KIF20A: variants seen among roughly 807,000 people sequenced by gnomAD.
The protein encoded by KIF20A is kinesin-like protein KIF20A.
Under a neutral mutation model 113.0 loss-of-function variants are expected in KIF20A, and 66 were observed. That is an observed-to-expected ratio of 0.58 (90% CI 0.48 to 0.72). The LOEUF (loss-of-function observed/expected upper bound fraction) is 0.72, where lower values mean the gene tolerates loss of function less well. Among genes scored for constraint, KIF20A ranks in the 30% least tolerant of loss-of-function variants. The pLI, the probability that KIF20A is intolerant of heterozygous loss-of-function variation, is 0.00. For synonymous variants in KIF20A, 376 were observed against 402.3 expected (o/e 0.93, Z 0.78); for missense variants, 927 against 1,077.6 (o/e 0.86, Z 1.96).
Position 138,182,456 on chromosome 5 carries a change from T to C in KIF20A, c.509T>C (p.Ile170Thr). ...ACTAACTCAGGGAAAACCCACACGA[T>C]TCAAGGTGAGTAGTAAGCCTTCACG... ...GVTNSGKTHT[I>T]QGTIKDGGIL... Residue 170 changes from isoleucine (I) to threonine (T), a missense_variant, in exon 5 of 19, where the codon ATT becomes ACT. Coordinates refer to ENST00000394894, the MANE Select transcript of KIF20A (RefSeq NM_005733.3). 1.2e-6 allele frequency: 2 copies of C among 1,614,018 alleles called. No homozygotes were observed. Among genetic ancestry groups the C allele is most frequent in the South Asian group, 1.1e-5 (1 of 91,056 alleles).
chr5:138,181,811 C>A, intron 4 of KIF20A, 83 bp downstream of exon 4: 1 of 1,539,808 alleles, frequency 6.5e-7, no homozygotes, highest in South Asian at 1.2e-5. Flanking sequence ...GCTTCTCTTC[C>A]TGACTGTGAG....
Position 138,182,776 on chromosome 5 carries a change from A to G in KIF20A, c.702+3A>G, listed in dbSNP as rs141093474. Reference sequence around the variant, plus strand: ...TGCTAAATGGAGGCCTCCAAGAGGTAAAGCATTGGTATCCATGGCAGTGGG... The same window carrying G: ...TGCTAAATGGAGGCCTCCAAGAGGTGAAGCATTGGTATCCATGGCAGTGGG... On this transcript the variant is annotated splice_donor_region_variant and intron_variant, in intron 6 of 18. Coordinates refer to ENST00000394894, the MANE Select transcript of KIF20A (RefSeq NM_005733.3). 558 of 1,613,720 alleles carry G rather than the reference A, an allele frequency of 3.5e-4. 1 individual carries two copies. The African/African-American group carries it at 6.8e-3, about 20-fold the overall frequency.
At position 138,184,819 on chromosome 5, in the gene KIF20A, G is replaced by T; in HGVS notation, c.1696G>T (p.Val566Phe). ...SMYGKEELLQ[V>F]VEAMKTLLLK... The stretch of plus-strand genomic sequence containing the variant: ...GTGTCTCTCCTAGGAGCTCCTACAA[G>T]TTGTGGAAGCCATGAAGACACTGCT... Residue 566 changes from valine (V) to phenylalanine (F), a missense_variant, in exon 14 of 19, where the codon GTT becomes TTT. Physicochemically the swap from Val to Phe is conservative, Grantham distance 50 (BLOSUM62 -1). Transcript: ENST00000394894. 6.2e-7 allele frequency: 1 copy of T among 1,614,164 alleles called. No individual in the cohort carries two copies. Among genetic ancestry groups the T allele is most frequent in the South Asian group, 1.1e-5 (1 of 91,078 alleles).
chr5:138,185,329 T>A, intron 15 of KIF20A, 132 bp downstream of exon 15: 1 of 826,334 alleles, frequency 1.2e-6, no homozygotes, highest in South Asian at 1.6e-5. Context: ...TTCCCCATAG[T>A]GCTTTGGGTT....
chr5:138,182,267 C>T (rs1754671616), intron 4 of KIF20A, 56 bp from the exon 5 acceptor site: 1 of 1,581,862 alleles, frequency 6.3e-7, no homozygotes, highest in Non-Finnish European at 8.6e-7. Context: ...TGGCTCTGCA[C>T]AGGAGGCAAG....
chr5:138,179,640 A>T lies in KIF20A; in HGVS notation c.-21-20A>T. The T allele has an allele frequency of 1.2e-6, 2 of 1,611,238 alleles. No individual in the cohort carries two copies. Among genetic ancestry groups the T allele is most frequent in the Non-Finnish European group, 1.7e-6 (2 of 1,179,038 alleles). ...TCCCTAAAGGTTCTTCTCCCTGCCC[A>T]CTTTTTGGTCTCTTTTTAGACCTAG... On this transcript the variant is annotated intron_variant, in intron 1 of 18. Transcript: ENST00000394894.
At position 138,179,673 on chromosome 5, in the gene KIF20A, C is replaced by T. The variant is rs1394524569; in HGVS notation, c.-8C>T. 1 of 1,613,730 alleles carries T rather than the reference C, an allele frequency of 6.2e-7. No individual in the cohort carries two copies. Among genetic ancestry groups the T allele is most frequent in the African/African-American group, 1.3e-5 (1 of 74,914 alleles). ...GTCTCTTTTTAGACCTAGGCTGCCC[C>T]TGCCGTCATGTCGCAAGGGATCCTT... On this transcript the variant is annotated 5_prime_UTR_variant, in exon 2 of 19. Coordinates refer to ENST00000394894, the MANE Select transcript of KIF20A (RefSeq NM_005733.3).
rs1422808688 is a variant in KIF20A at position 138,183,138 on chromosome 5, T to G, written c.833-31T>G. 6.2e-7 allele frequency: 1 copy of G among 1,611,400 alleles called. No individual in the cohort carries two copies. Among genetic ancestry groups the G allele is most frequent in the African/African-American group, 1.3e-5 (1 of 75,026 alleles). On this transcript the variant is annotated intron_variant, in intron 7 of 18. Transcript: ENST00000394894. This position sits in a 1 kb window ranked among gnomAD's most constrained non-coding sequence, Gnocchi z 5.2. The stretch of plus-strand genomic sequence containing the variant: ...CAAAAGAGAGGTGAACTGCTCTAGG[T>G]TGATGCCCTATACATTGGCTTCTTC...
In KIF20A at chr5:138,182,743, G is replaced by T; in HGVS notation, c.672G>T (p.Lys224Asn). The stretch of plus-strand genomic sequence containing the variant: ...AGATCCGACAGGAGGAAATGAAGAA[G>T]CTGTCCCTGCTAAATGGAGGCCTCC... The part of the protein sequence containing the change: ...SKQIRQEEMK[K>N]LSLLNGGLQE... The change falls in exon 6 of 19, where the codon AAG becomes AAT. Residue 224 changes from lysine (K) to asparagine (N), a missense_variant. Transcript: ENST00000394894. The T allele has an allele frequency of 6.2e-7, 1 of 1,613,882 alleles. No individual in the cohort carries two copies.
chr5:138,184,999 G>T (rs1754721927), intron 14 of KIF20A, 53 bp downstream of exon 14: 2 of 1,606,520 alleles, frequency 1.2e-6, no homozygotes, highest in Non-Finnish European at 8.5e-7. Flanking sequence ...AGGGTGGGAA[G>T]TAAGGAGTTA....
chr5:138,186,012 T>A lies in KIF20A; in HGVS notation c.2177T>A (p.Phe726Tyr), dbSNP rs1581479934. ...MLEPPPSAKPFTIDVDKKLEE... is the reference protein window; with the variant it reads ...MLEPPPSAKPYTIDVDKKLEE... Reference sequence around the variant, plus strand: ...GAACCACCACCCTCAGCCAAGCCCTTCACCATTGATGTGGACAAGAAGTTA... The same window carrying A: ...GAACCACCACCCTCAGCCAAGCCCTACACCATTGATGTGGACAAGAAGTTA... Residue 726 changes from phenylalanine to tyrosine, a missense_variant, in exon 17 of 19, where the codon TTC (phenylalanine) becomes TAC (tyrosine). Transcript: ENST00000394894. 1 of 1,614,080 alleles carries A rather than the reference T, an allele frequency of 6.2e-7. No individual in the cohort carries two copies. The highest frequency in any genetic ancestry group is 2.2e-5 in the East Asian group (1 of 44,876).
Position 138,182,642 on chromosome 5 carries a change from C to T in KIF20A, c.571C>T (p.Leu191Phe). Residue 191 changes from leucine (L) to phenylalanine (F), a missense_variant, in exon 6 of 19, where the codon CTC (leucine) becomes TTC (phenylalanine). Transcript: ENST00000394894. ...GTCCCTGGCGCTGATCTTCAATAGCCTCCAAGGCCAACTTCATCCAACACC... is the reference window on the plus strand; with the variant it reads ...GTCCCTGGCGCTGATCTTCAATAGCTTCCAAGGCCAACTTCATCCAACACC... ...PRSLALIFNSLQGQLHPTPDL... is the reference protein window; with the variant it reads ...PRSLALIFNSFQGQLHPTPDL... 1.2e-6 allele frequency: 2 copies of T among 1,614,186 alleles called. No individual in the cohort carries two copies. The highest frequency in any genetic ancestry group is 1.1e-5 in the South Asian group (1 of 91,090).
At position 138,181,512 on chromosome 5, in the gene KIF20A, G is replaced by A; in HGVS notation, c.255+1G>A. ...AGAGTTGGAACGACAGGAAGATCAG[G>A]TAAGTGTCTGAGAAGGGAGGATTCA... On this transcript the variant is annotated splice_donor_variant, in intron 3 of 18. Transcript: ENST00000394894. LOFTEE classifies it high-confidence loss of function. The A allele has an allele frequency of 1.2e-6, 2 of 1,614,124 alleles. No homozygotes were observed. Among genetic ancestry groups the A allele is most frequent in the Non-Finnish European group, 1.7e-6 (2 of 1,179,958 alleles).
intron 17 of KIF20A, 64 bp downstream of exon 17, chr5:138,186,116 C>CT (rs1754740806): frequency 2.0e-6 from 3 of 1,516,482 alleles, no homozygotes; most frequent in Admixed American, 1.7e-5. Context: ...ATCCAACACT[C>CT]TATCACTGGT....
rs762337603 is a variant in KIF20A, at chr5:138,182,310, G to T, written c.376-13G>T. 2 of 1,609,696 alleles carry T rather than the reference G, an allele frequency of 1.2e-6. No individual in the cohort carries two copies. The highest frequency in any genetic ancestry group is 1.7e-5 in the Admixed American group (1 of 59,072). ...TGAAGGAGAGGCCTCTAAAAAACTGGGTCTCTCTCTAGATCTTTGGGCCAG... is the reference window on the plus strand; with the variant it reads ...TGAAGGAGAGGCCTCTAAAAAACTGTGTCTCTCTCTAGATCTTTGGGCCAG... On this transcript the variant is annotated splice_polypyrimidine_tract_variant and intron_variant, in intron 4 of 18. Transcript: ENST00000394894.
rs1173653335 is a variant in KIF20A, at chr5:138,182,638, T to C, written c.567T>C (p.Asn189=). ...CCCGGTCCCTGGCGCTGATCTTCAA[T>C]AGCCTCCAAGGCCAACTTCATCCAA... ...ILPRSLALIF[N]SLQGQLHPTP... is the part of the protein sequence containing the mutation. The change falls in exon 6 of 19, where the codon AAT becomes AAC. Residue 189 remains asparagine (N), a synonymous_variant. Coordinates refer to ENST00000394894, the MANE Select transcript of KIF20A (RefSeq NM_005733.3). 1.2e-6 allele frequency: 2 copies of C among 1,614,054 alleles called. No homozygotes were observed. Among genetic ancestry groups the C allele is most frequent in the Admixed American group, 3.3e-5 (2 of 60,004 alleles).
chr5:138,185,581 C>G lies in KIF20A; in HGVS notation c.1996C>G (p.Gln666Glu), dbSNP rs749204429. ...QEARQQSVAH[Q>E]QSGSELALRR... Reference sequence around the variant, plus strand: ...AGCCAGACAACAGTCAGTGGCCCATCAGCAATCAGGGTCTGAATTGGCCCT... The same window carrying G: ...AGCCAGACAACAGTCAGTGGCCCATGAGCAATCAGGGTCTGAATTGGCCCT... The change falls in exon 16 of 19, where the codon CAG becomes GAG. Residue 666 changes from glutamine (Q) to glutamate (E), a missense_variant. By Grantham distance (29) the Gln-to-Glu change is conservative (BLOSUM62 2). Transcript: ENST00000394894. 6.2e-7 allele frequency: 1 copy of G among 1,614,158 alleles called. No homozygotes were observed. Among genetic ancestry groups the G allele is most frequent in the Non-Finnish European group, 8.5e-7 (1 of 1,180,028 alleles).
At chr5:138,185,036 C>A in intron 14 of KIF20A, 59 bp from the exon 15 acceptor site, 3 of 1,590,760 alleles carry the variant, frequency 1.9e-6, no homozygotes, top group Non-Finnish European at 2.6e-6. Flanking sequence ...AAGATCTGTT[C>A]CCCAAGTTCA....
intron 14 of KIF20A, 21 bp from the exon 15 acceptor site, chr5:138,185,072 CTT>C: frequency 6.2e-7 from 1 of 1,603,724 alleles, no homozygotes; most frequent in Non-Finnish European, 8.5e-7. Context: ...ACTTACCTCT[CTT>C]TTCTCCTCTG....
Sources: gnomAD v4.1 joint callset for allele counts on GRCh38, gnomAD v4.1.1 for gene constraint, Gnocchi (gnomAD v3.1) non-coding constraint, MANE v1.5 for transcripts, NCBI Gene and HGNC (gene_info 2026-07-23, HGNC 2026-07-21) for gene names.